Variants in ATP6V0A2 observed in about 807,000 individuals in gnomAD.
The protein encoded by ATP6V0A2 is ATPase H+ transporting V0 subunit a2, also known as V-type proton ATPase 116 kDa subunit a 2.
In ATP6V0A2, 58 loss-of-function variants were observed where a neutral mutation model predicts 104.4. The ratio of observed to expected loss-of-function variants is 0.56; its 90% CI spans 0.45 to 0.69. The LOEUF (loss-of-function observed/expected upper bound fraction) is 0.69. ATP6V0A2 is among the 30% of genes least tolerant of loss of function. The pLI, the probability that ATP6V0A2 is intolerant of heterozygous loss-of-function variation, is 0.00. For synonymous variants in ATP6V0A2, 376 were observed against 397.9 expected (o/e 0.95, Z 0.65); for missense variants, 938 against 1,062.9 (o/e 0.88, Z 1.63).
chr12:123,758,418 C>A lies in ATP6V0A2; in HGVS notation c.*386C>A. On this transcript the variant is annotated 3_prime_UTR_variant, in exon 20 of 20. Coordinates refer to ENST00000330342, the MANE Select transcript of ATP6V0A2 (RefSeq NM_012463.4). ...AGAGTTAATCTGTCACCTGAAGTTG[C>A]CAGATAATATTTTCCAACAGCTGAA... The A allele has an allele frequency of 6.4e-6, 1 of 155,616 alleles. No homozygotes were observed. The highest frequency in any genetic ancestry group is 6.5e-5 in the Admixed American group (1 of 15,456). 9.6% of individuals were successfully genotyped at this position (155,616 alleles called of 1,614,324 possible). A position where few individuals can be genotyped will look rare whatever the true frequency, so the allele number is the denominator to read the frequency against.
At chr12:123,731,866 G>C (rs1956504883) in intron 6 of ATP6V0A2, 1 of 152,170 alleles carries the variant, frequency 6.6e-6, no homozygotes, top group Non-Finnish European at 1.5e-5. Context: ...CTATGCTGTA[G>C]CTCCCCAGTC....
At chr12:123,725,826 A>G (rs942980345) in intron 4 of ATP6V0A2, among the ~76,000 whole-genome samples, 9 of 152,074 alleles carry the variant, frequency 5.9e-5, no homozygotes, top group Admixed American at 5.2e-4. Flanking sequence ...AATTATAAGA[A>G]TAAAGAATAG....
chr12:123,742,170 G>A (rs575059108), intron 9 of ATP6V0A2, among the ~76,000 whole-genome samples: 10 of 152,352 alleles, frequency 6.6e-5, no homozygotes, highest in African/African-American at 2.2e-4. Context: ...CCCCTGTGCC[G>A]TCGCCTACTC....
Position 123,756,959 on chromosome 12 carries a change from C to T in ATP6V0A2, c.2438C>T (p.Ala813Val), listed in dbSNP as rs17883456. 0.032 allele frequency: 51,182 copies of T among 1,614,172 alleles called. 968 individuals carry two copies. Among genetic ancestry groups the T allele is most frequent in the Middle Eastern group, 0.059 (360 of 6,062 alleles). The change falls in exon 19 of 20, where the codon GCG becomes GTG. Residue 813 changes from alanine to valine, a missense_variant. By Grantham distance (64) the Ala-to-Val change is moderately conservative. Transcript: ENST00000330342. ...FILLIMEGLS[A>V]FLHAIRLHWV... ...CTTCTGATCATGGAAGGGCTTTCTGCGTTTCTTCACGCCATACGCCTCCAC... is the reference window on the plus strand; with the variant it reads ...CTTCTGATCATGGAAGGGCTTTCTGTGTTTCTTCACGCCATACGCCTCCAC...
rs554888992 is a variant in ATP6V0A2, at chr12:123,712,916, G to A, written c.117+234G>A. Among the ~76,000 whole-genome samples the A allele has an allele frequency of 5.9e-5, 9 of 152,270 alleles. No homozygotes were observed. In the East Asian group the frequency reaches 1.7e-3, roughly 29 times the overall value. On this transcript the variant is annotated intron_variant, in intron 1 of 19. Transcript: ENST00000330342. ...CGGCTGCTCTGCCCCAGTTAGTTAGGATCGCCCGTGTGGTCTTCATCAGCT... is the reference window on the plus strand; with the variant it reads ...CGGCTGCTCTGCCCCAGTTAGTTAGAATCGCCCGTGTGGTCTTCATCAGCT...
intron 13 of ATP6V0A2, among the ~76,000 whole-genome samples, chr12:123,745,271 G>A (rs1162611067): frequency 6.6e-6 from 1 of 152,204 alleles, no homozygotes; most frequent in African/African-American, 2.4e-5. Context: ...TGAAATGTGT[G>A]CCATTTCCTA....
At position 123,761,599 on chromosome 12, in the gene ATP6V0A2, G is replaced by A. The variant is rs1956826092; in HGVS notation, c.*3567G>A. On this transcript the variant is annotated 3_prime_UTR_variant, in exon 20 of 20. Transcript: ENST00000330342. ...AAGGCTAGGTAGGTTCTTAGGGTTA[G>A]CCTGAGTCATCTAGGGGCTCAACTC... 1 of 152,208 alleles carries A rather than the reference G, an allele frequency of 6.6e-6. No homozygotes were observed. Among genetic ancestry groups the A allele is most frequent in the Non-Finnish European group, 1.5e-5 (1 of 68,046 alleles). 9.4% of individuals were successfully genotyped at this position (152,208 alleles called of 1,614,324 possible). A position where few individuals can be genotyped will look rare whatever the true frequency, so the allele number is the denominator to read the frequency against.
At position 123,712,389 on chromosome 12, in the gene ATP6V0A2, G is replaced by A; in HGVS notation, c.-177G>A. 1 of 365,972 alleles carries A rather than the reference G, an allele frequency of 2.7e-6. No homozygotes were observed. The allele number at this position is 365,972 out of a possible 1,614,324, so 22.7% of individuals were successfully genotyped here. On this transcript the variant is annotated 5_prime_UTR_variant, in exon 1 of 20. Coordinates refer to ENST00000330342, the MANE Select transcript of ATP6V0A2 (RefSeq NM_012463.4). ...GACTGCTGTGGCGGCAGCTGGAGCGGCGGCCGCGGTGGCAGAACCGGGGGC... is the reference window on the plus strand; with the variant it reads ...GACTGCTGTGGCGGCAGCTGGAGCGACGGCCGCGGTGGCAGAACCGGGGGC...
Position 123,751,524 on chromosome 12 carries a change from T to G in ATP6V0A2, c.2055+295T>G, listed in dbSNP as rs187469904. Among the ~76,000 whole-genome samples the G allele has an allele frequency of 1.5e-4, 23 of 152,102 alleles. No homozygotes were observed. The East Asian group carries it at 4.5e-3, about 30-fold the overall frequency. ...ACAAAAATAAGCCGGTGTGGTGGTG[T>G]GCACCTTTAGTCCCAGGTACTCGGG... is the stretch of plus-strand genomic sequence containing the variant. On this transcript the variant is annotated intron_variant, in intron 16 of 19. Coordinates refer to ENST00000330342, the MANE Select transcript of ATP6V0A2 (RefSeq NM_012463.4).
intron 17 of ATP6V0A2, 78 bp downstream of exon 17, chr12:123,752,480 T>C: frequency 6.5e-7 from 1 of 1,544,284 alleles, no homozygotes; most frequent in Non-Finnish European, 8.9e-7. Context: ...TAAGATAATA[T>C]TTAATCATCT....
intron 1 of ATP6V0A2, among the ~76,000 whole-genome samples, chr12:123,713,616 G>T (rs2135872265): frequency 6.6e-6 from 1 of 152,248 alleles, no homozygotes; most frequent in East Asian, 1.9e-4. Context: ...CACAGTCCCT[G>T]TGTTCCTGGA....
intron 13 of ATP6V0A2, among the ~76,000 whole-genome samples, chr12:123,746,571 A>G (rs868463788): frequency 1.0e-4 from 15 of 149,010 alleles, no homozygotes; most frequent in African/African-American, 3.7e-4. Flanking sequence ...GAGCCAGGTC[A>G]AGGCTGCAGT....
At chr12:123,751,802 A>G (rs1180089810) in intron 16 of ATP6V0A2, among the ~76,000 whole-genome samples, 4 of 150,130 alleles carry the variant, frequency 2.7e-5, no homozygotes, top group East Asian at 3.9e-4. Flanking sequence ...GCCTTTTTCC[A>G]TATTCGTCTT....
intron 1 of ATP6V0A2, among the ~76,000 whole-genome samples, chr12:123,713,337 G>C (rs1002869028): frequency 7.9e-5 from 12 of 151,992 alleles, no homozygotes; most frequent in Admixed American, 3.9e-4. Context: ...ATACCATTGT[G>C]TGTAAGGACT....
chr12:123,752,443 A>G (rs1486389701), intron 17 of ATP6V0A2, 41 bp downstream of exon 17: 3 of 1,609,880 alleles, frequency 1.9e-6, no homozygotes. Flanking sequence ...TAGATAAGTA[A>G]CCAAGCTTCC....
chr12:123,749,339 C>T (rs1329765368), intron 15 of ATP6V0A2, among the ~76,000 whole-genome samples: 4 of 152,100 alleles, frequency 2.6e-5, no homozygotes, highest in Non-Finnish European at 5.9e-5. Flanking sequence ...CCAGAGGGAT[C>T]CTGAGGGCTG....
intron 9 of ATP6V0A2, among the ~76,000 whole-genome samples, chr12:123,739,806 C>G (rs1209990387): frequency 6.6e-6 from 1 of 152,188 alleles, no homozygotes; most frequent in Non-Finnish European, 1.5e-5. Context: ...GAGTATCTTA[C>G]ACATGTTCCT....
At chr12:123,747,804 G>C (rs1484094692) in intron 14 of ATP6V0A2, 79 bp downstream of exon 14, 3 of 894,690 alleles carry the variant, frequency 3.4e-6, no homozygotes, top group African/African-American at 3.3e-5. Flanking sequence ...GTTGGTGACT[G>C]TATTTATTGG....
chr12:123,755,091 C>G (rs187655802), intron 18 of ATP6V0A2, among the ~76,000 whole-genome samples: 2 of 152,138 alleles, frequency 1.3e-5, no homozygotes, highest in East Asian at 3.9e-4. Flanking sequence ...AGTACCTAGC[C>G]GTGCAGTTAG....
Sources: gnomAD v4.1 joint callset for allele counts (sites outside exome capture counted in the v4.1 genomes callset) on GRCh38, gnomAD v4.1.1 for gene constraint, MANE v1.5 for transcripts, NCBI Gene and HGNC (gene_info 2026-07-23, HGNC 2026-07-21) for gene names.